DIS3: variants seen among roughly 807,000 people sequenced by gnomAD.
DIS3 encodes the protein DIS3 exosome endoribonuclease and 3'-5' exoribonuclease.
A neutral mutation model predicts 113.0 loss-of-function variants in DIS3; 103 were observed. The observed-to-expected ratio is 0.91, with a 90% CI of 0.78 to 1.07. The LOEUF (loss-of-function observed/expected upper bound fraction) is 1.07. Among genes scored for constraint, DIS3 ranks in the 50% least tolerant of loss-of-function variants. The pLI, the probability that DIS3 is intolerant of heterozygous loss-of-function variation, is 0.00. For missense variants in DIS3, 1,121 were observed against 1,167.1 expected, an observed-to-expected ratio of 0.96 and a Z score of 0.58; for synonymous variants, 402 against 394.3, an observed-to-expected ratio of 1.02 and a Z score of -0.23.
chr13:72,778,113 C>T, intron 3 of DIS3, 74 bp downstream of exon 3: 2 of 1,264,362 alleles, frequency 1.6e-6, no homozygotes, highest in Admixed American at 4.7e-5. Context: ...AAGTGAACAT[C>T]TGACTATAGG....
chr13:72,781,122 A>C, intron 1 of DIS3, 119 bp from the exon 2 acceptor site: 1 of 1,334,894 alleles, frequency 7.5e-7, no homozygotes. Flanking sequence ...TGAATAAGTT[A>C]AGCCAAGAAG....
chr13:72,770,471 C>T (rs1168289106), intron 13 of DIS3, among the ~76,000 whole-genome samples: 1 of 152,050 alleles, frequency 6.6e-6, no homozygotes, highest in Non-Finnish European at 1.5e-5. Flanking sequence ...AAGAAGTGGG[C>T]AGGAATCTCA....
intron 9 of DIS3, 91 bp downstream of exon 9, chr13:72,772,602 G>C: frequency 7.4e-7 from 1 of 1,347,182 alleles, no homozygotes; most frequent in Non-Finnish European, 1.0e-6. Flanking sequence ...GGCCCGTGGT[G>C]TCTACATATT....
rs1847585379 is a variant in DIS3, at chr13:72,753,322, T to TCAAGCCATTTAGAGA, written c.*6458_*6472dup. 1 of 166,330 alleles carries TCAAGCCATTTAGAGA rather than the reference T, an allele frequency of 6.0e-6. No individual in the cohort carries two copies. 10.3% of individuals were successfully genotyped at this position (166,330 alleles called of 1,614,324 possible). A position where few individuals can be genotyped will look rare whatever the true frequency, so the allele number is the denominator to read the frequency against. ...TCCACTTTTTTAAAGGCAGCATGCCTCAAGCCATTTAGAGACAAGCCTGGA... is the reference window on the plus strand; with the variant it reads ...TCCACTTTTTTAAAGGCAGCATGCCTCAAGCCATTTAGAGACAAGCCATTTAGAGACAAGCCTGGA... On this transcript the variant is annotated 3_prime_UTR_variant, in exon 21 of 21. Transcript: ENST00000377767.
intron 11 of DIS3, 81 bp downstream of exon 11, chr13:72,771,714 T>G (rs2033889663): frequency 7.4e-7 from 1 of 1,343,460 alleles, no homozygotes; most frequent in Non-Finnish European, 1.0e-6. Context: ...TTATTCCATG[T>G]ATTTTTCTTA....
intron 9 of DIS3, 51 bp from the exon 10 acceptor site, chr13:72,772,326 C>G: frequency 7.4e-7 from 1 of 1,351,630 alleles, no homozygotes; most frequent in Admixed American, 1.8e-5. Flanking sequence ...AGCACAACTA[C>G]AACATATTAA....
At chr13:72,781,131 A>G in intron 1 of DIS3, 128 bp from the exon 2 acceptor site, 1 of 1,345,652 alleles carries the variant, frequency 7.4e-7, no homozygotes, top group Admixed American at 2.3e-5. Flanking sequence ...TAAGCCAAGA[A>G]GCTATTTGGC....
chr13:72,768,064 T>C (rs2033795871), intron 14 of DIS3, among the ~76,000 whole-genome samples: 1 of 152,208 alleles, frequency 6.6e-6, no homozygotes, highest in African/African-American at 2.4e-5. Context: ...AGACTCCTTT[T>C]ATGCAACTTT....
chr13:72,762,819 GAAGTA>G (rs1263915261), intron 16 of DIS3, among the ~76,000 whole-genome samples: 1 of 150,014 alleles, frequency 6.7e-6, no homozygotes, highest in African/African-American at 2.5e-5. Context: ...TAACTGAGTT[GAAGTA>G]AATAAATAAA....
intron 2 of DIS3, among the ~76,000 whole-genome samples, chr13:72,779,286 A>T (rs1420146742): frequency 6.6e-6 from 1 of 151,926 alleles, no homozygotes; most frequent in Non-Finnish European, 1.5e-5. Flanking sequence ...TAACCAGCTA[A>T]TTTTTGTATT....
intron 11 of DIS3, 107 bp downstream of exon 11, chr13:72,771,688 G>T: frequency 1.9e-6 from 2 of 1,059,630 alleles, no homozygotes; most frequent in Non-Finnish European, 2.7e-6. Context: ...AATATATTTA[G>T]TGATTTAAAG....
rs1022393883 is a variant in DIS3 at position 72,753,460 on chromosome 13, G to A, written c.*6335C>T. 1 of 364,478 alleles carries A rather than the reference G, an allele frequency of 2.7e-6. No homozygotes were observed. The highest frequency in any genetic ancestry group is 2.1e-5 in the African/African-American group (1 of 47,420). 22.6% of individuals were successfully genotyped at this position (364,478 alleles called of 1,614,324 possible). A position where few individuals can be genotyped will look rare whatever the true frequency, so the allele number is the denominator to read the frequency against. ...AGGCTGTTCACTGATTCTTAAGGAA[G>A]TTACAAGATATATTTCATTGGAAGG... On this transcript the variant is annotated 3_prime_UTR_variant, in exon 21 of 21. Transcript: ENST00000377767.
chr13:72,761,670 A>G lies in DIS3; in HGVS notation c.2487T>C (p.Arg829=), dbSNP rs199565029. ...FRHKMAQYAQ[R]ASVAFHTQLF... Reference sequence around the variant, plus strand: ...CCTGGGTATGAAAAGCCACTGATGCACGTTGGGCATATTGAGCCATTTTGT... The same window carrying G: ...CCTGGGTATGAAAAGCCACTGATGCGCGTTGGGCATATTGAGCCATTTTGT... Residue 829 remains arginine, a synonymous_variant, in exon 18 of 21, where the codon CGT becomes CGC. Transcript: ENST00000377767. 1.2e-6 allele frequency: 2 copies of G among 1,610,806 alleles called. No homozygotes were observed. The highest frequency in any genetic ancestry group is 1.7e-6 in the Non-Finnish European group (2 of 1,179,234).
intron 20 of DIS3, 53 bp from the exon 21 acceptor site, chr13:72,759,931 C>T (rs774539114): frequency 3.0e-5 from 42 of 1,414,616 alleles, no homozygotes; most frequent in Non-Finnish European, 4.0e-5. Context: ...TAGAATACAT[C>T]TCAACCTCAT....
rs1166125682 is a variant in DIS3 at position 72,775,242 on chromosome 13, T to C, written c.956A>G (p.Asp319Gly). Residue 319 changes from aspartate to glycine, a missense_variant, in exon 6 of 21, where the codon GAT becomes GGT. This residue lies in a region of DIS3 where 861 missense variants were observed against 915.5 expected (regional missense o/e 0.94). Coordinates refer to ENST00000377767, the MANE Select transcript of DIS3 (RefSeq NM_014953.5). ...VLHDEGQNEE[D>G]VEKEEETERM... ...TTCTGTCTCTTCTTCTTTCTCCACATCTTCTTCATTTTGACCTTCATCATG... is the reference window on the plus strand; with the variant it reads ...TTCTGTCTCTTCTTCTTTCTCCACACCTTCTTCATTTTGACCTTCATCATG... 6.2e-7 allele frequency: 1 copy of C among 1,613,536 alleles called. No individual in the cohort carries two copies.
rs554549593 is a variant in DIS3 at position 72,761,811 on chromosome 13, G to T, written c.2346C>A (p.Tyr782Ter). The change falls in exon 18 of 21, where the codon TAC (tyrosine) becomes TAA (stop). Residue 782 changes from tyrosine (Y) to a stop codon, truncating the protein, a stop_gained. Transcript: ENST00000377767. LOFTEE classifies it high-confidence loss of function. Reference sequence around the variant, plus strand: ...AAAGCCGATGAACAATGACATCTGCGTATCTAGATAGATGGAAAAATAAGA... The same window carrying T: ...AAAGCCGATGAACAATGACATCTGCTTATCTAGATAGATGGAAAAATAAGA... ...YTHFTSPIRRYADVIVHRLLA... is the reference protein window; with the variant it reads ...YTHFTSPIRR 6.2e-7 allele frequency: 1 copy of T among 1,610,752 alleles called. No individual in the cohort carries two copies. The highest frequency in any genetic ancestry group is 1.7e-5 in the Admixed American group (1 of 59,196).
chr13:72,766,156 G>T, intron 14 of DIS3, 98 bp from the exon 15 acceptor site: 3 of 940,490 alleles, frequency 3.2e-6, no homozygotes, highest in Non-Finnish European at 4.6e-6. Context: ...ACTACAGCAA[G>T]TGTGTAATAG....
At chr13:72,769,456 C>T (rs937758182) in intron 13 of DIS3, among the ~76,000 whole-genome samples, 1 of 150,920 alleles carries the variant, frequency 6.6e-6, no homozygotes, top group Admixed American at 6.6e-5. Flanking sequence ...ATAACTACTT[C>T]TGTTCCTATT....
intron 10 of DIS3, 92 bp downstream of exon 10, chr13:72,772,067 A>G: frequency 7.9e-7 from 1 of 1,262,434 alleles, no homozygotes; most frequent in Non-Finnish European, 1.1e-6. Context: ...ACTTCACAAG[A>G]GTAATTAACA....
Sources: gnomAD v4.1 joint callset for allele counts (sites outside exome capture counted in the v4.1 genomes callset) on GRCh38, gnomAD v4.1.1 for gene constraint, gnomAD v4.1.1 regional missense constraint, MANE v1.5 for transcripts, NCBI Gene and HGNC (gene_info 2026-07-23, HGNC 2026-07-21) for gene names.